Variants in LARP4B observed in about 807,000 individuals in gnomAD.
LARP4B encodes La ribonucleoprotein 4B, also known as la-related protein 4B.
In LARP4B, 12 loss-of-function variants were observed where a neutral mutation model predicts 89.8. The observed-to-expected ratio is 0.13, with a 90% confidence interval of 0.09 to 0.22. The LOEUF is 0.22. Ranked by LOEUF, LARP4B falls within the 10% of genes least tolerant of loss-of-function variation. The pLI is 1.00. For missense variants in LARP4B, 757 were observed against 947.7 expected, an observed-to-expected ratio of 0.80 and a Z score of 2.64; for synonymous variants, 367 against 363.3, an observed-to-expected ratio of 1.01 and a Z score of -0.12.
chr10:949,800 G>A, the LARP4B span, among the ~76,000 whole-genome samples: 1 of 152,108 alleles, frequency 6.6e-6, no homozygotes, highest in Non-Finnish European at 1.5e-5. Context: ...TTTTCTAACT[G>A]GACTGCACTT....
the LARP4B span, among the ~76,000 whole-genome samples, chr10:979,258 T>C: frequency 9.0e-3 from 1,375 of 152,260 alleles, 26 homozygotes; most frequent in African/African-American, 0.031. Context: ...TCTCAATCTA[T>C]TTCAATCTGC....
chr10:894,269 A>G (rs1402359507), intron 1 of LARP4B, among the ~76,000 whole-genome samples: 1 of 152,200 alleles, frequency 6.6e-6, no homozygotes, highest in Non-Finnish European at 1.5e-5. Flanking sequence ...GCCTGTATTT[A>G]ATCATACCTC....
intron 1 of LARP4B, among the ~76,000 whole-genome samples, chr10:892,031 C>G (rs565121473): frequency 6.6e-6 from 1 of 152,296 alleles, no homozygotes; most frequent in African/African-American, 2.4e-5. Flanking sequence ...CCCGGCATGG[C>G]CTAAAAGCAG....
the LARP4B span, among the ~76,000 whole-genome samples, chr10:958,769 G>A: frequency 1.3e-5 from 2 of 152,192 alleles, no homozygotes; most frequent in Non-Finnish European, 2.9e-5. Context: ...GTACAGCTTC[G>A]CGTAGACACA....
intron 1 of LARP4B, among the ~76,000 whole-genome samples, chr10:889,956 G>A (rs1215400887): frequency 6.6e-6 from 1 of 152,124 alleles, no homozygotes; most frequent in Non-Finnish European, 1.5e-5. Flanking sequence ...GGATCAGAAG[G>A]GATAACTGTA....
intron 5 of LARP4B, among the ~76,000 whole-genome samples, chr10:856,497 CAGAT>C (rs1351391365): frequency 3.9e-5 from 6 of 152,322 alleles, no homozygotes; most frequent in African/African-American, 1.4e-4. Flanking sequence ...GACAGACAGA[CAGAT>C]AAATAGAGAA....
the LARP4B span, among the ~76,000 whole-genome samples, chr10:978,932 AC>A: frequency 3.4e-5 from 5 of 148,006 alleles, no homozygotes; most frequent in Non-Finnish European, 7.5e-5. Context: ...TTTGTTTCCC[AC>A]CCCCCCTCCT....
chr10:897,852 G>A (rs1836231779), intron 1 of LARP4B, among the ~76,000 whole-genome samples: 3 of 151,846 alleles, frequency 2.0e-5, no homozygotes, highest in Admixed American at 6.6e-5. Flanking sequence ...GGCAGGCATG[G>A]TAGTGGGCGC....
At chr10:988,163 C>T in the LARP4B span, 10,218 of 317,042 alleles carry the variant, frequency 0.032, 220 homozygotes, top group Non-Finnish European at 0.043. Flanking sequence ...CCTGAACCCG[C>T]TCCAGAAACC....
chr10:986,516 T>C, the LARP4B span: 1 of 152,226 alleles, frequency 6.6e-6, no homozygotes, highest in Non-Finnish European at 1.5e-5. Context: ...TGCCACAAAA[T>C]CACAAGAACA....
chr10:979,445 T>A, the LARP4B span, among the ~76,000 whole-genome samples: 1 of 152,220 alleles, frequency 6.6e-6, no homozygotes, highest in South Asian at 2.1e-4. Context: ...GAGACTGCTC[T>A]GGTTATTAAT....
In LARP4B at chr10:815,067, G is replaced by C. The variant is rs768210630; in HGVS notation, c.1699C>G (p.Leu567Val). 1 of 1,573,772 alleles carries C rather than the reference G, an allele frequency of 6.4e-7. No individual in the cohort carries two copies. Among genetic ancestry groups the C allele is most frequent in the African/African-American group, 1.4e-5 (1 of 73,574 alleles). The stretch of plus-strand genomic sequence containing the variant: ...GTGTTCACGCTTGCGTCTGCACTGA[G>C]GGTCTGAAACAGGGTCAAGAGTGTT... Reference protein sequence around the residue: ...LIIGPSKERTLSADASVNTLP... With the variant: ...LIIGPSKERTVSADASVNTLP... The change falls in exon 16 of 18, where the codon CTC becomes GTC. Residue 567 changes from leucine to valine, a missense_variant. Around this residue, in one of 5 missense-constraint regions of LARP4B, gnomAD observed 387 missense variants for 423.6 expected, o/e 0.91. Transcript: ENST00000316157.
chr10:951,589 A>C, the LARP4B span, among the ~76,000 whole-genome samples: 1 of 152,174 alleles, frequency 6.6e-6, no homozygotes. Context: ...ATTAAAAACA[A>C]TGTCCACTTT....
chr10:821,821 C>G (rs532548507), intron 13 of LARP4B, among the ~76,000 whole-genome samples: 2 of 152,364 alleles, frequency 1.3e-5, no homozygotes, highest in African/African-American at 4.8e-5. Flanking sequence ...TCCCTATTAT[C>G]TCCTACAGAA....
the LARP4B span, among the ~76,000 whole-genome samples, chr10:938,232 T>C: frequency 6.8e-6 from 1 of 147,656 alleles, no homozygotes; most frequent in African/African-American, 2.5e-5. Flanking sequence ...AAGGCTAAAT[T>C]TCTTGAATTG....
intron 5 of LARP4B, among the ~76,000 whole-genome samples, chr10:861,178 G>A (rs772650136): frequency 1.7e-3 from 257 of 152,146 alleles, no homozygotes; most frequent in Admixed American, 2.6e-3. Context: ...ACAGACCACC[G>A]GTTCCACGGA....
Position 864,180 on chromosome 10 carries a change from C to A in LARP4B, c.232G>T (p.Gly78Cys), listed in dbSNP as rs777505612. 1 of 1,614,232 alleles carries A rather than the reference C, an allele frequency of 6.2e-7. No individual in the cohort carries two copies. Among genetic ancestry groups the A allele is most frequent in the South Asian group, 1.1e-5 (1 of 91,084 alleles). ...LHLEASSAADGVSAAWEEVAG... is the reference protein window; with the variant it reads ...LHLEASSAADCVSAAWEEVAG... Reference sequence around the variant, plus strand: ...ACCTCCTCCCATGCAGCACTCACACCGTCAGCAGCACTGCTTGCTTCCAGA... The same window carrying A: ...ACCTCCTCCCATGCAGCACTCACACAGTCAGCAGCACTGCTTGCTTCCAGA... Residue 78 changes from glycine (G) to cysteine (C), a missense_variant, in exon 4 of 18, where the codon GGT (glycine) becomes TGT (cysteine). By Grantham distance (159) the Gly-to-Cys change is radical. Transcript: ENST00000316157.
At chr10:930,486 T>A (rs1837266737) in intron 1 of LARP4B, among the ~76,000 whole-genome samples, 2 of 152,062 alleles carry the variant, frequency 1.3e-5, no homozygotes. Context: ...GTTTCTCAAG[T>A]TTCATCTCAG....
chr10:829,623 GA>G, intron 10 of LARP4B, 29 bp from the exon 11 acceptor site: 1 of 1,609,100 alleles, frequency 6.2e-7, no homozygotes, highest in Non-Finnish European at 8.5e-7. Flanking sequence ...GTTTCTATTA[GA>G]ATACTTAAGA....
Sources: gnomAD v4.1 joint callset for allele counts (sites outside exome capture counted in the v4.1 genomes callset) on GRCh38, gnomAD v4.1.1 for gene constraint, gnomAD v4.1.1 regional missense constraint, MANE v1.5 for transcripts, NCBI Gene and HGNC (gene_info 2026-07-23, HGNC 2026-07-21) for gene names.